ASIC2: variants seen among roughly 807,000 people sequenced by gnomAD.
The protein encoded by ASIC2 is acid sensing ion channel subunit 2, also known as acid-sensing ion channel 2.
In ASIC2, 25 loss-of-function variants were observed where a neutral mutation model predicts 57.3. The ratio of observed to expected loss-of-function variants is 0.44; its 90% CI spans 0.32 to 0.61. ASIC2 has a LOEUF of 0.61. ASIC2 is among the 20% of genes least tolerant of loss of function. The pLI, the probability that ASIC2 is intolerant of heterozygous loss-of-function variation, is 0.06. For missense variants in ASIC2, 641 were observed against 738.1 expected, an observed-to-expected ratio of 0.87 and a Z score of 1.52; for synonymous variants, 319 against 307.5, an observed-to-expected ratio of 1.04 and a Z score of -0.39.
At chr17:33,937,759 G>A (rs1388092376) in intron 1 of ASIC2, among the ~76,000 whole-genome samples, 1 of 152,166 alleles carries the variant, frequency 6.6e-6, no homozygotes, top group Non-Finnish European at 1.5e-5. Context: ...AAAGCAAAGA[G>A]CCACGGATAT....
At chr17:34,131,313 G>A (rs1911950240) in intron 1 of ASIC2, among the ~76,000 whole-genome samples, 1 of 151,974 alleles carries the variant, frequency 6.6e-6, no homozygotes, top group African/African-American at 2.4e-5. Context: ...AAGAGAGAGA[G>A]GAGCTGGGGA....
At chr17:33,337,450 A>AAGTC (rs1481768637) in intron 1 of ASIC2, among the ~76,000 whole-genome samples, 5 of 152,132 alleles carry the variant, frequency 3.3e-5, no homozygotes, top group Non-Finnish European at 7.3e-5. Flanking sequence ...TCTGAATCCA[A>AAGTC]AGTCCTTGCT....
At chr17:34,112,121 A>G (rs1201968178) in intron 1 of ASIC2, among the ~76,000 whole-genome samples, 1 of 152,174 alleles carries the variant, frequency 6.6e-6, no homozygotes, top group African/African-American at 2.4e-5. Flanking sequence ...CACTAGTCTT[A>G]GTGGAAAGAA....
chr17:33,895,733 T>A (rs1915079586), intron 1 of ASIC2, among the ~76,000 whole-genome samples: 1 of 152,218 alleles, frequency 6.6e-6, no homozygotes, highest in African/African-American at 2.4e-5. Context: ...CTTCTCTGAT[T>A]ATCCTCTACC....
intron 3 of ASIC2, among the ~76,000 whole-genome samples, chr17:33,072,645 G>A (rs776525081): frequency 1.3e-5 from 2 of 152,124 alleles, no homozygotes; most frequent in Non-Finnish European, 2.9e-5. Flanking sequence ...GCAGGCATTC[G>A]GCCATTTGAC....
intron 2 of ASIC2, 73 bp downstream of exon 2, chr17:33,111,844 C>T: frequency 4.6e-6 from 7 of 1,538,332 alleles, no homozygotes; most frequent in Non-Finnish European, 6.1e-6. Flanking sequence ...GCCAAGACAG[C>T]TCACCAGCCT....
intron 1 of ASIC2, among the ~76,000 whole-genome samples, chr17:34,045,866 C>T (rs906566050): frequency 4.6e-5 from 7 of 152,210 alleles, no homozygotes; most frequent in African/African-American, 1.7e-4. Context: ...AAATGAGTCT[C>T]TTTCCCTCAA....
At position 33,585,733 on chromosome 17, in the gene ASIC2, G is replaced by T. The variant is rs28454461; in HGVS notation, c.556-473666C>A. On this transcript the variant is annotated intron_variant, in intron 1 of 9. Transcript: ENST00000359872. ...CTTTTTTGTTATGGCAACCAGGTAG[G>T]ATGTTATAACCTGCATTTTAGTTTT... 5.1e-3 allele frequency among the ~76,000 whole-genome samples: 784 copies of T among 152,322 alleles called. 8 individuals are homozygous for T. Among genetic ancestry groups the T allele is most frequent in the African/African-American group, 0.018 (756 of 41,580 alleles).
chr17:33,140,325 G>A lies in ASIC2; in HGVS notation c.709-28258C>T, dbSNP rs184562235. 4.1e-3 allele frequency among the ~76,000 whole-genome samples: 620 copies of A among 152,318 alleles called. 1 individual carries two copies. The highest frequency in any genetic ancestry group is 5.1e-3 in the Non-Finnish European group (349 of 68,026). On this transcript the variant is annotated intron_variant, in intron 1 of 9. Transcript: ENST00000225823. ...GCTTCTCTCCACTCCCCAGTGCTGG[G>A]ATAATTTTTGAGTACATCGGAGAAG...
intron 1 of ASIC2, among the ~76,000 whole-genome samples, chr17:33,666,309 TAAAAC>T (rs1372473277): frequency 6.6e-6 from 1 of 152,154 alleles, no homozygotes; most frequent in Non-Finnish European, 1.5e-5. Context: ...AAGGAAACGT[TAAAAC>T]AAAATTAAGA....
intron 1 of ASIC2, among the ~76,000 whole-genome samples, chr17:33,812,692 G>C (rs147677523): frequency 6.6e-6 from 1 of 152,246 alleles, no homozygotes; most frequent in Non-Finnish European, 1.5e-5. Context: ...GAACCCAAGA[G>C]GGATGTGGAA....
chr17:33,815,544 C>A (rs1456534770), intron 1 of ASIC2, among the ~76,000 whole-genome samples: 1 of 152,176 alleles, frequency 6.6e-6, no homozygotes, highest in East Asian at 1.9e-4. Flanking sequence ...ATTCCTCTTA[C>A]CAAACTGACA....
chr17:33,878,795 C>A (rs888648270), intron 1 of ASIC2, among the ~76,000 whole-genome samples: 18 of 152,238 alleles, frequency 1.2e-4, no homozygotes, highest in Non-Finnish European at 1.5e-5. Flanking sequence ...AACTCCAAGA[C>A]ACATAATTGT....
intron 3 of ASIC2, among the ~76,000 whole-genome samples, chr17:33,072,284 T>C (rs2092072327): frequency 6.6e-6 from 1 of 152,210 alleles, no homozygotes; most frequent in Non-Finnish European, 1.5e-5. Flanking sequence ...TAATATTCAA[T>C]GTCTTGAATA....
At chr17:33,984,986 G>A (rs1413493664) in intron 1 of ASIC2, among the ~76,000 whole-genome samples, 1 of 152,174 alleles carries the variant, frequency 6.6e-6, no homozygotes, top group Non-Finnish European at 1.5e-5. Context: ...ATTCTAAAAG[G>A]TGGAAAGAAA....
intron 1 of ASIC2, among the ~76,000 whole-genome samples, chr17:33,921,620 T>C (rs1009689522): frequency 6.6e-6 from 1 of 152,024 alleles, no homozygotes; most frequent in Admixed American, 6.6e-5. Flanking sequence ...GAGAATTCCA[T>C]AGAGAGGTTC....
rs141845751 is a variant in ASIC2, at chr17:33,927,281, T to C, written c.555+228697A>G. ...ATTTTCAGATTAGGGATGCTCAACC[T>C]GTGTGATCACTCACTAAGGTCTGAA... On this transcript the variant is annotated intron_variant, in intron 1 of 9. Coordinates refer to the ASIC2 transcript ENST00000359872. Among the ~76,000 whole-genome samples the C allele has an allele frequency of 6.7e-3, 1,017 of 152,296 alleles. 17 individuals carry two copies. The highest frequency in any genetic ancestry group is 0.023 in the African/African-American group (939 of 41,554).
At chr17:33,420,616 T>A (rs956021803) in intron 1 of ASIC2, among the ~76,000 whole-genome samples, 1 of 152,194 alleles carries the variant, frequency 6.6e-6, no homozygotes, top group African/African-American at 2.4e-5. Context: ...AATACAGATA[T>A]CTGCTTTTGA....
chr17:33,742,573 A>G (rs750183155), intron 1 of ASIC2, among the ~76,000 whole-genome samples: 1 of 152,224 alleles, frequency 6.6e-6, no homozygotes, highest in Admixed American at 6.5e-5. Context: ...TAAAGATCTG[A>G]TGGGCAGGTA....
Sources: gnomAD v4.1 joint callset for allele counts (sites outside exome capture counted in the v4.1 genomes callset) on GRCh38, gnomAD v4.1.1 for gene constraint, MANE v1.5 for transcripts, NCBI Gene and HGNC (gene_info 2026-07-23, HGNC 2026-07-21) for gene names.